The following NEBL variants were observed in gnomAD, a reference collection of about 807,000 sequenced individuals.
The protein encoded by NEBL is LIM and SH3 protein 2.
NEBL carries 122 observed loss-of-function variants against 140.2 expected under a neutral mutation model. That is an observed-to-expected ratio of 0.87 (90% CI 0.75 to 1.01). The LOEUF (loss-of-function observed/expected upper bound fraction) is 1.01, where lower values mean the gene tolerates loss of function less well. Ranked by LOEUF, NEBL falls within the 50% of genes least tolerant of loss-of-function variation. NEBL has a pLI of 0.00. For missense variants in NEBL, 1,365 were observed against 1,231.3 expected (o/e 1.11, Z -1.62); for synonymous variants, 436 against 398.9 (o/e 1.09, Z -1.11).
At chr10:20,994,517 C>G (rs45607232) in intron 3 of NEBL, among the ~76,000 whole-genome samples, 6,831 of 152,264 alleles carry the variant, frequency 0.045, 234 homozygotes, top group Non-Finnish European at 0.067. Flanking sequence ...AAGATAATTA[C>G]TTCCATTGGC....
chr10:21,264,057 G>C (rs1842770764), intron 1 of NEBL, among the ~76,000 whole-genome samples: 1 of 152,216 alleles, frequency 6.6e-6, no homozygotes, highest in African/African-American at 2.4e-5. Flanking sequence ...AATGGAGCTA[G>C]TCATGCTAGG....
chr10:20,996,590 G>A (rs1323775614), intron 3 of NEBL, among the ~76,000 whole-genome samples: 1 of 152,128 alleles, frequency 6.6e-6, no homozygotes, highest in African/African-American at 2.4e-5. Context: ...AGTATTAAGT[G>A]GCGGAGACAA....
chr10:20,845,529 A>G, intron 11 of NEBL, 161 bp from the exon 12 acceptor site: 1 of 579,730 alleles, frequency 1.7e-6, no homozygotes, highest in Non-Finnish European at 3.1e-6. Flanking sequence ...CTTTGTCATA[A>G]ATTTTAGAAT....
At chr10:21,203,114 C>T (rs1357303604) in intron 3 of NEBL, among the ~76,000 whole-genome samples, 1 of 152,236 alleles carries the variant, frequency 6.6e-6, no homozygotes, top group East Asian at 1.9e-4. Flanking sequence ...CCTGAATCAA[C>T]TTATTACTAT....
At chr10:20,832,751 A>G (rs1564365300) in intron 14 of NEBL, among the ~76,000 whole-genome samples, 1 of 152,212 alleles carries the variant, frequency 6.6e-6, no homozygotes, top group African/African-American at 2.4e-5. Flanking sequence ...AAATTTAGGT[A>G]AGTGGTAAAC....
At chr10:20,791,273 C>T (rs1411529467) in intron 26 of NEBL, among the ~76,000 whole-genome samples, 1 of 152,038 alleles carries the variant, frequency 6.6e-6, no homozygotes, top group East Asian at 1.9e-4. Context: ...AAAGTACTTC[C>T]ACAGATAGGC....
chr10:20,787,116 A>T, intron 27 of NEBL, 86 bp downstream of exon 27: 1 of 1,029,760 alleles, frequency 9.7e-7, no homozygotes, highest in Non-Finnish European at 1.5e-6. Context: ...CCCAATATTC[A>T]ATTCAACTCT....
chr10:21,163,243 G>A (rs906233123), intron 2 of NEBL, among the ~76,000 whole-genome samples: 2 of 152,172 alleles, frequency 1.3e-5, no homozygotes, highest in African/African-American at 4.8e-5. Flanking sequence ...CATCACAGGT[G>A]TTTGAGCAAG....
rs527715768 is a variant in NEBL, at chr10:20,894,434, C to T, written c.153+2524G>A. Among the ~76,000 whole-genome samples, 9 of 149,210 alleles carry T rather than the reference C, an allele frequency of 6.0e-5. No homozygotes were observed. The East Asian group carries it at 1.2e-3, about 20-fold the overall frequency. On this transcript the variant is annotated intron_variant, in intron 2 of 27. Coordinates refer to ENST00000377122, the MANE Select transcript of NEBL (RefSeq NM_006393.3). ...ACTGCAGTGAGCTGCAGTCACATGA[C>T]AGAACTCCAGCCTGGGCAACAGAGT...
chr10:20,902,406 CAA>C (rs10532070), intron 4 of NEBL, among the ~76,000 whole-genome samples: 83,346 of 149,784 alleles, frequency 0.56, 24,276 homozygotes, highest in Non-Finnish European at 0.64. Context: ...GACACTGTCT[CAA>C]AAAAAAAAAA....
At chr10:20,882,331 G>A (rs1040039535) in intron 4 of NEBL, among the ~76,000 whole-genome samples, 1 of 150,574 alleles carries the variant, frequency 6.6e-6, no homozygotes, top group African/African-American at 2.4e-5. Flanking sequence ...GAGGGGAGAG[G>A]AGAGAGGAAA....
At chr10:21,266,954 TTTTG>T (rs2132285728) in intron 1 of NEBL, among the ~76,000 whole-genome samples, 1 of 152,136 alleles carries the variant, frequency 6.6e-6, no homozygotes, top group African/African-American at 2.4e-5. Flanking sequence ...TTTTTGTTTT[TTTTG>T]TTTATTTGGG....
intron 13 of NEBL, among the ~76,000 whole-genome samples, chr10:20,838,548 C>T (rs371131996): frequency 7.9e-5 from 12 of 152,294 alleles, no homozygotes; most frequent in African/African-American, 2.2e-4. Flanking sequence ...TAGGATACTA[C>T]AAAAACTTTG....
At chr10:20,996,865 C>A (rs1408014971) in intron 3 of NEBL, among the ~76,000 whole-genome samples, 2 of 152,126 alleles carry the variant, frequency 1.3e-5, no homozygotes, top group African/African-American at 4.8e-5. Context: ...AATATTTTTT[C>A]TCTGGTCTTT....
chr10:21,034,674 C>T (rs755346247), intron 2 of NEBL, among the ~76,000 whole-genome samples: 4 of 152,130 alleles, frequency 2.6e-5, no homozygotes, highest in Non-Finnish European at 4.4e-5. Context: ...AACTGTCTAA[C>T]GGAGGAAACT....
At chr10:20,916,274 G>C (rs1277252658) in intron 4 of NEBL, among the ~76,000 whole-genome samples, 1 of 152,070 alleles carries the variant, frequency 6.6e-6, no homozygotes, top group South Asian at 2.1e-4. Context: ...TGCAAAGTGG[G>C]GAAGGAGGGA....
At chr10:21,157,193 A>G (rs1840367017) in intron 2 of NEBL, among the ~76,000 whole-genome samples, 1 of 152,218 alleles carries the variant, frequency 6.6e-6, no homozygotes. Context: ...TAATTCAGAA[A>G]AAGTCTCCAT....
chr10:21,285,542 A>G (rs907017731), intron 1 of NEBL, among the ~76,000 whole-genome samples: 2 of 152,238 alleles, frequency 1.3e-5, no homozygotes, highest in Non-Finnish European at 2.9e-5. Flanking sequence ...CCTAAGATAT[A>G]TAAAACTAAA....
intron 2 of NEBL, among the ~76,000 whole-genome samples, chr10:21,060,644 C>T (rs1835230871): frequency 6.6e-6 from 1 of 151,966 alleles, no homozygotes; most frequent in Non-Finnish European, 1.5e-5. Context: ...CTGCCACCTC[C>T]CATTTTTCTC....
Sources: allele counts gnomAD v4.1 joint callset (sites outside exome capture counted in the v4.1 genomes callset), GRCh38; gene constraint gnomAD v4.1.1; transcripts MANE v1.5; gene names NCBI Gene and HGNC (gene_info 2026-07-23, HGNC 2026-07-21).